Variants in PNPLA6 observed in about 807,000 individuals in gnomAD.
PNPLA6 encodes the protein patatin-like phospholipase domain-containing protein 6.
PNPLA6 carries 105 observed loss-of-function variants against 153.7 expected under a neutral mutation model. That is an observed-to-expected ratio of 0.68 (90% CI 0.58 to 0.80). The LOEUF is 0.80. Ranked by LOEUF, PNPLA6 falls within the 30% of genes least tolerant of loss-of-function variation. PNPLA6 has a pLI of 0.00. For missense variants in PNPLA6, 1,423 were observed against 1,919.3 expected (o/e 0.74, Z 4.83); for synonymous variants, 825 against 822.2 (o/e 1.00, Z -0.06).
intron 27 of PNPLA6, among the ~76,000 whole-genome samples, chr19:7,557,919 A>G (rs2023954954): frequency 1.3e-5 from 2 of 152,180 alleles, no homozygotes; most frequent in Admixed American, 1.3e-4. Flanking sequence ...GTGGAATGCA[A>G]CACTCGTGTG....
rs1303671291 is a variant in PNPLA6, at chr19:7,550,430, G to A, written c.1946+1G>A. On this transcript the variant is annotated splice_donor_variant, in intron 15 of 31. Transcript: ENST00000600737. LOFTEE classifies it high-confidence loss of function. The stretch of plus-strand genomic sequence containing the variant: ...TGGAGGCGGGACGCGCGCTGTACAG[G>A]TGCAGCTCCCACCGCGCTGCTCAGG... 6.2e-7 allele frequency: 1 copy of A among 1,611,382 alleles called. No individual in the cohort carries two copies.
At chr19:7,560,963 C>T (rs556213466) in intron 29 of PNPLA6, 51 bp from the exon 30 acceptor site, 2 of 1,266,282 alleles carry the variant, frequency 1.6e-6, no homozygotes, top group South Asian at 2.5e-5. Context: ...CCCCAGGGGC[C>T]CCAAGACTCT....
Position 7,555,359 on chromosome 19 carries a change from C to A in PNPLA6, c.2928C>A (p.Gly976=). 1 of 1,004,714 alleles carries A rather than the reference C, an allele frequency of 1.0e-6. No individual in the cohort carries two copies. Among genetic ancestry groups the A allele is most frequent in the Non-Finnish European group, 1.4e-6 (1 of 709,642 alleles). 62.2% of individuals were successfully genotyped at this position (1,004,714 alleles called of 1,614,324 possible). Residue 976 remains glycine (G), a synonymous_variant, in exon 23 of 32, where the codon GGC becomes GGA. Transcript: ENST00000600737. The surrounding 1 kb of genome is among the most constrained non-coding windows in gnomAD (Gnocchi z 6.3). ...GNTIALVLGG[G]GARGCSHIGV... is the part of the protein sequence containing the mutation. ...CCATTGCCCTTGTGCTAGGCGGGGGCGGGGCCAGGTGAGGGCGGGGCTTGC... is the reference window on the plus strand; with the variant it reads ...CCATTGCCCTTGTGCTAGGCGGGGGAGGGGCCAGGTGAGGGCGGGGCTTGC...
Position 7,551,468 on chromosome 19 carries a change from G to A in PNPLA6, c.2260+31G>A, listed in dbSNP as rs1425041461. The stretch of plus-strand genomic sequence containing the variant: ...AGCCGGCCGGCCCAGAGCGTGCTGG[G>A]AGATGTAGTCCGGCGTCCAGAGCAT... On this transcript the variant is annotated intron_variant, in intron 18 of 31. Coordinates refer to ENST00000600737, the MANE Select transcript of PNPLA6 (RefSeq NM_001166114.2). 4 of 1,571,844 alleles carry A rather than the reference G, an allele frequency of 2.5e-6. No individual in the cohort carries two copies. In the South Asian group the frequency reaches 3.3e-5, roughly 13 times the overall value.
At chr19:7,539,846 T>C (rs1478426172) in intron 3 of PNPLA6, 72 bp from the exon 4 acceptor site, 2 of 1,020,874 alleles carry the variant, frequency 2.0e-6, no homozygotes, top group Non-Finnish European at 2.9e-6. Flanking sequence ...GAAAGGGGTA[T>C]GCGGGGGTCT....
chr19:7,535,490 C>T (rs2022808719), upstream of PNPLA6: 2 of 1,543,830 alleles, frequency 1.3e-6, no homozygotes, highest in Non-Finnish European at 1.8e-6. This position sits in a 1 kb window ranked among gnomAD's most constrained non-coding sequence, Gnocchi z 5.0. Flanking sequence ...CGGGTTCCTT[C>T]GACTCCTTGA....
At chr19:7,556,622 G>A (rs371783370) in intron 25 of PNPLA6, 33 bp from the exon 26 acceptor site, 83 of 1,600,430 alleles carry the variant, frequency 5.2e-5, no homozygotes, top group Non-Finnish European at 6.7e-5. Context: ...GGAGCCCCCT[G>A]CTCCTCCCCC....
chr19:7,538,366 G>A (rs2022970992), intron 3 of PNPLA6, among the ~76,000 whole-genome samples: 1 of 151,986 alleles, frequency 6.6e-6, no homozygotes, highest in South Asian at 2.1e-4. Flanking sequence ...TTTTTTTGTA[G>A]AGATGGGAGT....
Position 7,535,806 on chromosome 19 carries a change from C to CGGGCTGGCTA in PNPLA6, c.19_28dup (p.Thr10ArgfsTer156). 6.5e-7 allele frequency: 1 copy of CGGGCTGGCTA among 1,536,374 alleles called. No individual in the cohort carries two copies. Among genetic ancestry groups the CGGGCTGGCTA allele is most frequent in the Non-Finnish European group, 8.7e-7 (1 of 1,146,440 alleles). ...TTCTGCAGATGGGGACATCGAGTCA[C>CGGGCTGGCTA]GGGCTGGCTACGAACTCCTCGGGGG... is the stretch of plus-strand genomic sequence containing the variant. On this transcript the variant is annotated frameshift_variant, in exon 1 of 32. Coordinates refer to ENST00000600737, the MANE Select transcript of PNPLA6 (RefSeq NM_001166114.2). LOFTEE classifies it high-confidence loss of function. This position sits in a 1 kb window ranked among gnomAD's most constrained non-coding sequence, Gnocchi z 5.0.
Position 7,550,526 on chromosome 19 carries a change from C to G in PNPLA6, c.1956C>G (p.Asp652Glu). Residue 652 changes from aspartate to glutamate, a missense_variant, in exon 16 of 32, where the codon GAC becomes GAG. Physicochemically the swap from Asp to Glu is conservative, Grantham distance 45. Coordinates refer to ENST00000600737, the MANE Select transcript of PNPLA6 (RefSeq NM_001166114.2). The part of the protein sequence containing the change: ...EAGRALYRQG[D>E]RSDCTYIVLN... ...CTCCACGCCCACTCAGGCAGGGCGACCGCTCCGACTGCACTTACATCGTGC... is the reference window on the plus strand; with the variant it reads ...CTCCACGCCCACTCAGGCAGGGCGAGCGCTCCGACTGCACTTACATCGTGC... 1 of 1,613,112 alleles carries G rather than the reference C, an allele frequency of 6.2e-7. No individual in the cohort carries two copies. The highest frequency in any genetic ancestry group is 1.1e-5 in the South Asian group (1 of 91,076).
chr19:7,553,202 G>T (rs1170952058), intron 18 of PNPLA6, among the ~76,000 whole-genome samples: 3 of 143,212 alleles, frequency 2.1e-5, no homozygotes, highest in African/African-American at 7.5e-5. Flanking sequence ...GGAGAAACTG[G>T]GAAGCAACAG....
In PNPLA6 at chr19:7,540,958, G is replaced by T; in HGVS notation, c.831G>T (p.Arg277=). 1 of 1,612,272 alleles carries T rather than the reference G, an allele frequency of 6.2e-7. No individual in the cohort carries two copies. Among genetic ancestry groups the T allele is most frequent in the Non-Finnish European group, 8.5e-7 (1 of 1,179,750 alleles). The part of the protein sequence containing the change: ...HQHPQRTVSA[R]AARDSTVLRL... ...ATCCCCAGCGGACCGTGTCTGCCCG[G>T]GCGGCCCGGGACTCCACGGTGCTGC... The change falls in exon 7 of 32, where the codon CGG becomes CGT. Residue 277 remains arginine (R), a synonymous_variant. Coordinates refer to ENST00000600737, the MANE Select transcript of PNPLA6 (RefSeq NM_001166114.2). The surrounding 1 kb of genome is among the most constrained non-coding windows in gnomAD (Gnocchi z 6.8).
Position 7,535,908 on chromosome 19 carries a change from G to T in PNPLA6, c.120G>T (p.Ala40=). Residue 40 remains alanine (A), a synonymous_variant, in exon 1 of 32, where the codon GCG becomes GCT. Transcript: ENST00000600737. The surrounding 1 kb of genome is among the most constrained non-coding windows in gnomAD (Gnocchi z 5.0). ...GEGSAGRICG[A]QPVPFVPQVL... is the part of the protein sequence containing the mutation. ...GCTCGGCGGGACGGATTTGCGGTGCGCAGCCAGTGCCGTTCGTCCCTCAGG... is the reference window on the plus strand; with the variant it reads ...GCTCGGCGGGACGGATTTGCGGTGCTCAGCCAGTGCCGTTCGTCCCTCAGG... 1 of 1,559,254 alleles carries T rather than the reference G, an allele frequency of 6.4e-7. No homozygotes were observed. Among genetic ancestry groups the T allele is most frequent in the South Asian group, 1.2e-5 (1 of 85,532 alleles).
intron 13 of PNPLA6, among the ~76,000 whole-genome samples, chr19:7,547,819 T>A (rs2023451490): frequency 8.6e-3 from 60 of 6,974 alleles, no homozygotes; most frequent in African/African-American, 0.069. Context: ...AAATTTTTTT[T>A]TTTTTTTTTT....
rs369993445 is a variant in PNPLA6, at chr19:7,555,012, C to T, written c.2754C>T (p.Cys918=). The T allele has an allele frequency of 4.9e-5, 78 of 1,593,506 alleles. No individual in the cohort carries two copies. Among genetic ancestry groups the T allele is most frequent in the Non-Finnish European group, 5.9e-5 (69 of 1,178,078 alleles). Residue 918 remains cysteine, a synonymous_variant, in exon 22 of 32, where the codon TGC becomes TGT. Coordinates refer to ENST00000600737, the MANE Select transcript of PNPLA6 (RefSeq NM_001166114.2). The surrounding 1 kb of genome is among the most constrained non-coding windows in gnomAD (Gnocchi z 6.3). The part of the protein sequence containing the change: ...TVEWLNMRSW[C]SGHLHLRCPR... ...AGTGGCTAAATATGCGCAGCTGGTG[C>T]TCGGGGCACCTGCACCTGCGCTGTC...
chr19:7,534,779 C>T (rs1269906255), upstream of PNPLA6: 1 of 152,494 alleles, frequency 6.6e-6, no homozygotes, highest in African/African-American at 2.4e-5. Context: ...CCCGGAGTCC[C>T]AGTGATGCTC....
rs1422971890 is a variant in PNPLA6, at chr19:7,540,577, A to G, written c.715-53A>G. ...TCATTGGGATGGATGAGGGGGCGAC[A>G]TGCCAGTCACCAGGGCGAGGCCACT... On this transcript the variant is annotated intron_variant, in intron 5 of 31. Transcript: ENST00000600737. The surrounding 1 kb of genome is among the most constrained non-coding windows in gnomAD (Gnocchi z 6.8). 1 of 1,373,082 alleles carries G rather than the reference A, an allele frequency of 7.3e-7. No homozygotes were observed. The allele number at this position is 1,373,082 out of a possible 1,614,324, so 85.1% of individuals were successfully genotyped here. A position where few individuals can be genotyped will look rare whatever the true frequency, so the allele number is the denominator to read the frequency against.
At chr19:7,557,906 C>T (rs930146947) in intron 27 of PNPLA6, among the ~76,000 whole-genome samples, 9 of 152,198 alleles carry the variant, frequency 5.9e-5, no homozygotes, top group African/African-American at 2.2e-4. Context: ...AGGGGACATG[C>T]AGGTGGAATG....
chr19:7,542,137 T>G (rs577866), intron 10 of PNPLA6, 70 bp downstream of exon 10: 7 of 1,217,796 alleles, frequency 5.7e-6, no homozygotes, highest in Non-Finnish European at 8.4e-6. Flanking sequence ...ACCGCCTGCC[T>G]GTCTTGATTG....
Sources: allele counts gnomAD v4.1 joint callset (sites outside exome capture counted in the v4.1 genomes callset), GRCh38; gene constraint gnomAD v4.1.1; non-coding constraint Gnocchi (gnomAD v3.1); transcripts MANE v1.5; gene names NCBI Gene and HGNC (gene_info 2026-07-23, HGNC 2026-07-21).